The following GRID1 variants were observed in gnomAD, a reference collection of about 807,000 sequenced individuals.
GRID1 encodes glutamate receptor ionotropic, delta-1.
Under a neutral mutation model 98.0 loss-of-function variants are expected in GRID1, and 28 were observed. That is an observed-to-expected ratio of 0.29 (90% CI 0.21 to 0.39). The LOEUF is 0.39. Ranked by LOEUF, GRID1 falls within the 10% of genes least tolerant of loss-of-function variation. The probability of loss-of-function intolerance (pLI) is 1.00; values close to 1 mark genes in which losing one functional copy is unlikely to be tolerated. For missense variants in GRID1, 1,111 were observed against 1,340.5 expected (o/e 0.83, Z 2.67); for synonymous variants, 553 against 538.5 (o/e 1.03, Z -0.37).
chr10:85,825,797 T>G (rs1446964494), intron 8 of GRID1, among the ~76,000 whole-genome samples: 4 of 151,916 alleles, frequency 2.6e-5, no homozygotes, highest in South Asian at 2.1e-4. Flanking sequence ...AAAAAACAAC[T>G]GGACAAAAAA....
intron 4 of GRID1, among the ~76,000 whole-genome samples, chr10:86,080,848 G>C (rs971865876): frequency 2.0e-5 from 3 of 151,954 alleles, no homozygotes; most frequent in African/African-American, 7.3e-5. Context: ...ACCACCAAGG[G>C]ACAGGGGACA....
chr10:86,269,984 A>G (rs1847161211), intron 2 of GRID1, among the ~76,000 whole-genome samples: 1 of 152,194 alleles, frequency 6.6e-6, no homozygotes, highest in Non-Finnish European at 1.5e-5. Context: ...CCTCCCTCAC[A>G]GAATTAAACA....
intron 4 of GRID1, among the ~76,000 whole-genome samples, chr10:85,979,724 T>C (rs1218828117): frequency 6.6e-6 from 1 of 152,230 alleles, no homozygotes; most frequent in African/African-American, 2.4e-5. Context: ...CTTATCTTTT[T>C]GGGATGGGAC....
intron 2 of GRID1, among the ~76,000 whole-genome samples, chr10:86,259,707 A>G (rs1011700437): frequency 2.6e-5 from 4 of 152,212 alleles, no homozygotes; most frequent in Admixed American, 2.0e-4. Context: ...AGTCTGCACA[A>G]ATGGCAGGGG....
In GRID1 at chr10:85,691,565, C is replaced by T. The variant is rs371173797; in HGVS notation, c.1997+31438G>A. Among the ~76,000 whole-genome samples the T allele has an allele frequency of 2.9e-4, 44 of 152,222 alleles. No individual in the cohort carries two copies. The East Asian group carries it at 3.5e-3, about 12-fold the overall frequency. On this transcript the variant is annotated intron_variant, in intron 12 of 15. Transcript: ENST00000327946. ...TCCCCTCTTCAATCATAGCTGTGGACCTCAAAATGTTCCTTTTTCTGAAAA... is the reference window on the plus strand; with the variant it reads ...TCCCCTCTTCAATCATAGCTGTGGATCTCAAAATGTTCCTTTTTCTGAAAA...
chr10:86,295,349 C>T (rs184083541), intron 2 of GRID1, among the ~76,000 whole-genome samples: 1 of 152,064 alleles, frequency 6.6e-6, no homozygotes, highest in African/African-American at 2.4e-5. Context: ...GCAAAGGAGG[C>T]GGACGGATGG....
intron 2 of GRID1, among the ~76,000 whole-genome samples, chr10:86,207,705 C>A (rs930663427): frequency 6.9e-6 from 1 of 144,016 alleles, no homozygotes; most frequent in African/African-American, 2.6e-5. Flanking sequence ...GATCTCGACT[C>A]ACTGCAAGCT....
intron 2 of GRID1, among the ~76,000 whole-genome samples, chr10:86,252,319 G>A (rs1846849202): frequency 1.3e-5 from 2 of 152,298 alleles, no homozygotes; most frequent in South Asian, 4.1e-4. Flanking sequence ...ATCCATCCAG[G>A]CCTGGTCCAA....
At chr10:85,799,104 T>A (rs1842552260) in intron 8 of GRID1, among the ~76,000 whole-genome samples, 2 of 152,162 alleles carry the variant, frequency 1.3e-5, no homozygotes. Flanking sequence ...AGAAGACTAC[T>A]TTTTCTAATG....
intron 8 of GRID1, among the ~76,000 whole-genome samples, chr10:85,843,216 A>ATG (rs1842975904): frequency 6.6e-6 from 1 of 152,032 alleles, no homozygotes; most frequent in African/African-American, 2.4e-5. Context: ...ACAAATGGTG[A>ATG]TGAGGCAATT....
In GRID1 at chr10:86,278,587, AAG is replaced by A. The variant is rs931396365; in HGVS notation, c.236-71941_236-71940del. Among the ~76,000 whole-genome samples, 140 of 152,330 alleles carry A rather than the reference AAG, an allele frequency of 9.2e-4. 2 individuals carry two copies. Among genetic ancestry groups the A allele is most frequent in the African/African-American group, 3.1e-3 (129 of 41,590 alleles). ...CATAAATTACCAATATCAGAAATAA[AAG>A]AGATGATATTACTACAGATACTACA... On this transcript the variant is annotated intron_variant, in intron 2 of 15. Transcript: ENST00000327946.
intron 5 of GRID1, among the ~76,000 whole-genome samples, chr10:85,890,234 G>A (rs1394116156): frequency 6.6e-6 from 1 of 151,760 alleles, no homozygotes; most frequent in Non-Finnish European, 1.5e-5. Flanking sequence ...TGACCATCGG[G>A]CAAACTATAG....
rs77716847 is a variant in GRID1, at chr10:86,317,535, C to T, written c.235+46406G>A. On this transcript the variant is annotated intron_variant, in intron 2 of 15. Coordinates refer to ENST00000327946, the MANE Select transcript of GRID1 (RefSeq NM_017551.3). ...TACTGCCACATTTCTTGGGAACACA[C>T]ATCTGGCATCCTTGCACCCCACTTC... Among the ~76,000 whole-genome samples, 387 of 152,246 alleles carry T rather than the reference C, an allele frequency of 2.5e-3. 10 individuals are homozygous for T. The East Asian group carries it at 0.055, about 22-fold the overall frequency.
chr10:86,093,633 C>T (rs1249166939), intron 4 of GRID1, among the ~76,000 whole-genome samples: 1 of 152,116 alleles, frequency 6.6e-6, no homozygotes, highest in African/African-American at 2.4e-5. Flanking sequence ...AAAAATACAA[C>T]CATCTTAGCT....
intron 8 of GRID1, among the ~76,000 whole-genome samples, chr10:85,732,986 A>G (rs894577135): frequency 7.9e-5 from 12 of 152,104 alleles, no homozygotes; most frequent in African/African-American, 2.7e-4. Flanking sequence ...TGGGTCTGGT[A>G]AACTCTTACT....
intron 8 of GRID1, among the ~76,000 whole-genome samples, chr10:85,803,593 G>T (rs529339893): frequency 1.7e-4 from 25 of 151,102 alleles, no homozygotes; most frequent in South Asian, 1.5e-3. Context: ...AATAACAAAA[G>T]CATTTTCAAA....
intron 15 of GRID1, among the ~76,000 whole-genome samples, chr10:85,607,976 C>G (rs1333823686): frequency 1.3e-5 from 2 of 151,948 alleles, no homozygotes; most frequent in Admixed American, 6.6e-5. Flanking sequence ...TACCATCTCA[C>G]CTGGCTAATT....
chr10:86,058,870 C>T (rs917150937), intron 4 of GRID1, among the ~76,000 whole-genome samples: 6 of 152,204 alleles, frequency 3.9e-5, no homozygotes, highest in Non-Finnish European at 5.9e-5. Context: ...GGGGAGGACA[C>T]ATGCATCAAT....
At chr10:85,731,147 A>C (rs1841817222) in intron 8 of GRID1, among the ~76,000 whole-genome samples, 1 of 152,184 alleles carries the variant, frequency 6.6e-6, no homozygotes, top group South Asian at 2.1e-4. Flanking sequence ...TGGAAGAGAC[A>C]ACAACTCTGA....
Sources: allele counts gnomAD v4.1 joint callset (sites outside exome capture counted in the v4.1 genomes callset), GRCh38; gene constraint gnomAD v4.1.1; transcripts MANE v1.5; gene names NCBI Gene and HGNC (gene_info 2026-07-23, HGNC 2026-07-21).